Variants in PPM1E observed in about 807,000 individuals in gnomAD.
PPM1E encodes protein phosphatase 1E.
A neutral mutation model predicts 65.9 loss-of-function variants in PPM1E; 20 were observed. That is an observed-to-expected ratio of 0.30 (90% CI 0.21 to 0.44). The LOEUF (loss-of-function observed/expected upper bound fraction) is 0.44, where lower values mean the gene tolerates loss of function less well. Ranked by LOEUF, PPM1E falls within the 20% of genes least tolerant of loss-of-function variation. PPM1E has a pLI of 1.00. For missense variants in PPM1E, 713 were observed against 953.1 expected, an observed-to-expected ratio of 0.75 and a Z score of 3.32; for synonymous variants, 352 against 374.9, an observed-to-expected ratio of 0.94 and a Z score of 0.70.
chr17:58,918,070 C>T (rs1175575655), intron 1 of PPM1E, among the ~76,000 whole-genome samples: 1 of 152,172 alleles, frequency 6.6e-6, no homozygotes, highest in East Asian at 1.9e-4. Context: ...CTTCCCCCAT[C>T]AGCATTCCCA....
intron 1 of PPM1E, among the ~76,000 whole-genome samples, chr17:58,884,884 T>G (rs2143406723): frequency 6.6e-6 from 1 of 151,900 alleles, no homozygotes; most frequent in Admixed American, 6.5e-5. Context: ...CAATATTATC[T>G]TCCCTCTCTT....
intron 1 of PPM1E, among the ~76,000 whole-genome samples, chr17:58,884,532 T>G (rs1454979557): frequency 6.6e-6 from 1 of 152,206 alleles, no homozygotes; most frequent in Non-Finnish European, 1.5e-5. Flanking sequence ...AATTTTTGTC[T>G]TAGTAGGGTT....
chr17:58,947,233 C>CTTTT (rs71145507), intron 1 of PPM1E, among the ~76,000 whole-genome samples: 3 of 45,066 alleles, frequency 6.7e-5, no homozygotes, highest in Non-Finnish European at 1.2e-4. Context: ...CACTCCTGGC[C>CTTTT]TTTTTTTTTT....
At chr17:58,812,888 A>G (rs979291337) in intron 1 of PPM1E, among the ~76,000 whole-genome samples, 1 of 152,138 alleles carries the variant, frequency 6.6e-6, no homozygotes, top group African/African-American at 2.4e-5. Flanking sequence ...TATTTGGTAG[A>G]TTTCCTCAAG....
At chr17:58,930,779 A>C (rs1384530569) in intron 1 of PPM1E, among the ~76,000 whole-genome samples, 1 of 152,212 alleles carries the variant, frequency 6.6e-6, no homozygotes, top group Non-Finnish European at 1.5e-5. Flanking sequence ...AATGAAATGG[A>C]AATTAACCAA....
intron 1 of PPM1E, among the ~76,000 whole-genome samples, chr17:58,922,384 C>G (rs2051763918): frequency 1.3e-5 from 2 of 151,956 alleles, no homozygotes; most frequent in South Asian, 4.1e-4. Flanking sequence ...TCCCATATAG[C>G]TAGGATTACA....
At chr17:58,841,590 A>G (rs939563812) in intron 1 of PPM1E, among the ~76,000 whole-genome samples, 7 of 150,752 alleles carry the variant, frequency 4.6e-5, no homozygotes, top group African/African-American at 9.8e-5. Context: ...CAGTGGTGCA[A>G]TCTTGACTCA....
intron 1 of PPM1E, among the ~76,000 whole-genome samples, chr17:58,895,990 CTGTAGTCCCAGCTACT>C (rs2143449361): frequency 6.6e-6 from 1 of 151,036 alleles, no homozygotes; most frequent in South Asian, 2.1e-4. Context: ...TGGCAGGTAC[CTGTAGTCCCAGCTACT>C]TGGGAGGCTG....
chr17:58,824,296 T>G (rs1183351031), intron 1 of PPM1E, among the ~76,000 whole-genome samples: 1 of 152,178 alleles, frequency 6.6e-6, no homozygotes, highest in Non-Finnish European at 1.5e-5. Context: ...AGTCTTAATC[T>G]AAATAATCTA....
intron 1 of PPM1E, among the ~76,000 whole-genome samples, chr17:58,800,452 A>C (rs529580879): frequency 2.6e-5 from 4 of 152,048 alleles, no homozygotes; most frequent in Non-Finnish European, 5.9e-5. Context: ...TTTGGCCTCA[A>C]GAAATATTGA....
intron 1 of PPM1E, among the ~76,000 whole-genome samples, chr17:58,806,963 C>G (rs1174098829): frequency 6.6e-6 from 1 of 151,958 alleles, no homozygotes; most frequent in African/African-American, 2.4e-5. Context: ...CCTCAGCCCC[C>G]CAAAGGCTGG....
At chr17:58,917,235 A>G (rs986397115) in intron 1 of PPM1E, among the ~76,000 whole-genome samples, 1 of 150,902 alleles carries the variant, frequency 6.6e-6, no homozygotes, top group African/African-American at 2.4e-5. Context: ...AAAAAAAACT[A>G]TCTGTATTCA....
At chr17:58,961,892 A>G (rs539503353) in intron 2 of PPM1E, among the ~76,000 whole-genome samples, 2 of 152,244 alleles carry the variant, frequency 1.3e-5, no homozygotes, top group Non-Finnish European at 2.9e-5. Context: ...ATATCATACT[A>G]TAGCCTCAAA....
chr17:58,978,391 GGTTTT>G (rs1406298847), intron 6 of PPM1E, among the ~76,000 whole-genome samples: 1 of 151,918 alleles, frequency 6.6e-6, no homozygotes, highest in Non-Finnish European at 1.5e-5. Context: ...CCCTGTGTGT[GGTTTT>G]GTTTTTATTT....
chr17:58,860,771 C>T (rs931485409), intron 1 of PPM1E, among the ~76,000 whole-genome samples: 3 of 152,108 alleles, frequency 2.0e-5, no homozygotes, highest in African/African-American at 7.2e-5. Flanking sequence ...TGGTGGAACC[C>T]TGTCTCTACT....
intron 1 of PPM1E, among the ~76,000 whole-genome samples, chr17:58,836,924 G>T (rs1288487098): frequency 7.4e-5 from 11 of 149,342 alleles, no homozygotes; most frequent in Non-Finnish European, 1.0e-4. Flanking sequence ...GGAGGCTGAG[G>T]CAGGAGAATG....
At chr17:58,847,856 T>A (rs2050787364) in intron 1 of PPM1E, among the ~76,000 whole-genome samples, 1 of 152,226 alleles carries the variant, frequency 6.6e-6, no homozygotes, top group Non-Finnish European at 1.5e-5. Flanking sequence ...ATAAATTACC[T>A]TGGGCTATAT....
chr17:58,971,617 T>C (rs2030630819), intron 4 of PPM1E, among the ~76,000 whole-genome samples: 1 of 152,222 alleles, frequency 6.6e-6, no homozygotes, highest in African/African-American at 2.4e-5. Flanking sequence ...CTTGGCCCCT[T>C]AGCTTAATTT....
At chr17:58,786,514 A>G (rs1421617905) in intron 1 of PPM1E, among the ~76,000 whole-genome samples, 1 of 152,240 alleles carries the variant, frequency 6.6e-6, no homozygotes, top group Non-Finnish European at 1.5e-5. Flanking sequence ...CATGCACAGC[A>G]TAGATACACT....
Sources: allele counts gnomAD v4.1 joint callset (sites outside exome capture counted in the v4.1 genomes callset), GRCh38; gene constraint gnomAD v4.1.1; transcripts MANE v1.5; gene names NCBI Gene and HGNC (gene_info 2026-07-23, HGNC 2026-07-21).